Variants in GRID2 observed in about 807,000 individuals in gnomAD.
The protein encoded by GRID2 is glutamate receptor ionotropic, delta-2.
Under a neutral mutation model 114.8 loss-of-function variants are expected in GRID2, and 33 were observed. The ratio of observed to expected loss-of-function variants is 0.29; its 90% CI spans 0.22 to 0.38. The LOEUF (loss-of-function observed/expected upper bound fraction) is 0.38, where lower values mean the gene tolerates loss of function less well. GRID2 is among the 10% of genes least tolerant of loss of function. The probability of loss-of-function intolerance (pLI) is 1.00; values close to 1 mark genes in which losing one functional copy is unlikely to be tolerated. For synonymous variants in GRID2, 505 were observed against 449.9 expected (o/e 1.12, Z -1.55); for missense variants, 1,184 against 1,257.7 (o/e 0.94, Z 0.89).
chr4:92,593,224 G>A (rs113133068), intron 2 of GRID2, among the ~76,000 whole-genome samples: 1 of 151,980 alleles, frequency 6.6e-6, no homozygotes, highest in Non-Finnish European at 1.5e-5. Context: ...CATATAGATA[G>A]TAATAATGAC....
At chr4:92,959,178 C>T (rs1392889260) in intron 2 of GRID2, among the ~76,000 whole-genome samples, 1 of 133,550 alleles carries the variant, frequency 7.5e-6, no homozygotes, top group Non-Finnish European at 1.6e-5. Flanking sequence ...TTCCTGTTTT[C>T]TACTCCATTG....
In GRID2 at chr4:92,946,807, A is replaced by G. The variant is rs75276486; in HGVS notation, c.245-138188A>G. The stretch of plus-strand genomic sequence containing the variant: ...GGTAAAGCACTGGTTTTTAGGTCCA[A>G]TCTTGTAATTTCTGATTCAATAGGC... On this transcript the variant is annotated intron_variant, in intron 2 of 15. Coordinates refer to ENST00000282020, the MANE Select transcript of GRID2 (RefSeq NM_001510.4). Among the ~76,000 whole-genome samples, 513 of 152,176 alleles carry G rather than the reference A, an allele frequency of 3.4e-3. 3 individuals are homozygous for G. Among genetic ancestry groups the G allele is most frequent in the African/African-American group, 0.011 (470 of 41,562 alleles).
chr4:92,651,852 T>C (rs1731950333), intron 2 of GRID2, among the ~76,000 whole-genome samples: 1 of 152,136 alleles, frequency 6.6e-6, no homozygotes, highest in African/African-American at 2.4e-5. Context: ...GCTGTCCACT[T>C]TCAGGTCATG....
chr4:92,433,786 C>T (rs1199572842), intron 1 of GRID2, among the ~76,000 whole-genome samples: 5 of 152,116 alleles, frequency 3.3e-5, no homozygotes, highest in Non-Finnish European at 7.4e-5. Flanking sequence ...TCTATTCAGC[C>T]ATCTTGCTCT....
chr4:93,270,389 G>T (rs948507625), intron 8 of GRID2, among the ~76,000 whole-genome samples: 5 of 151,976 alleles, frequency 3.3e-5, no homozygotes, highest in African/African-American at 9.7e-5. Context: ...ATCATCAAAG[G>T]AGGATATAGT....
chr4:93,759,907 T>C (rs1190705969), intron 14 of GRID2, among the ~76,000 whole-genome samples: 1 of 152,200 alleles, frequency 6.6e-6, no homozygotes, highest in African/African-American at 2.4e-5. Flanking sequence ...ATACAGATTT[T>C]CTTTAGAGAT....
At chr4:93,629,369 G>A (rs937271656) in intron 14 of GRID2, among the ~76,000 whole-genome samples, 2 of 152,192 alleles carry the variant, frequency 1.3e-5, no homozygotes, top group African/African-American at 4.8e-5. Context: ...GAGAAAAGGA[G>A]AGCCAGGAAA....
chr4:93,739,145 C>G (rs1731166004), intron 14 of GRID2, among the ~76,000 whole-genome samples: 1 of 152,098 alleles, frequency 6.6e-6, no homozygotes, highest in Admixed American at 6.6e-5. Flanking sequence ...GGTGAAACTT[C>G]AGCTTCTTCA....
intron 8 of GRID2, among the ~76,000 whole-genome samples, chr4:93,243,397 G>C (rs1747772214): frequency 6.6e-6 from 1 of 152,014 alleles, no homozygotes; most frequent in South Asian, 2.1e-4. Flanking sequence ...AGATTTACTA[G>C]ATGTGTGTCC....
At chr4:92,418,032 C>G (rs141788353) in intron 1 of GRID2, among the ~76,000 whole-genome samples, 1 of 152,040 alleles carries the variant, frequency 6.6e-6, no homozygotes, top group African/African-American at 2.4e-5. Context: ...ATTACTCAGT[C>G]GTGTGTATGT....
At chr4:92,342,730 G>A (rs1001089502) in intron 1 of GRID2, among the ~76,000 whole-genome samples, 1 of 152,184 alleles carries the variant, frequency 6.6e-6, no homozygotes, top group African/African-American at 2.4e-5. Context: ...GATTGTCACT[G>A]TGAAGAAAAG....
chr4:93,339,993 G>A (rs1341126329), intron 8 of GRID2, among the ~76,000 whole-genome samples: 1 of 152,152 alleles, frequency 6.6e-6, no homozygotes, highest in African/African-American at 2.4e-5. Context: ...CCCTTGACAA[G>A]TGGGGATTAT....
intron 1 of GRID2, among the ~76,000 whole-genome samples, chr4:92,437,232 G>A (rs780063337): frequency 1.2e-4 from 18 of 152,010 alleles, no homozygotes; most frequent in Non-Finnish European, 1.8e-4. Flanking sequence ...TTTCACCGAC[G>A]AATGATTGGA....
intron 8 of GRID2, among the ~76,000 whole-genome samples, chr4:93,354,390 G>A (rs1761108332): frequency 6.6e-6 from 1 of 151,952 alleles, no homozygotes; most frequent in Non-Finnish European, 1.5e-5. Context: ...CAGAAGCTAA[G>A]AATGACAGAC....
intron 14 of GRID2, among the ~76,000 whole-genome samples, chr4:93,767,386 G>A (rs1048259657): frequency 6.6e-6 from 1 of 152,158 alleles, no homozygotes; most frequent in East Asian, 1.9e-4. Context: ...CTGGAATAAG[G>A]GTGACATATA....
At chr4:92,650,305 C>T (rs951050431) in intron 2 of GRID2, among the ~76,000 whole-genome samples, 1 of 152,036 alleles carries the variant, frequency 6.6e-6, no homozygotes, top group Non-Finnish European at 1.5e-5. Context: ...ACAATCACTT[C>T]CACTGGTCAT....
At chr4:93,438,182 C>G (rs1441050540) in intron 10 of GRID2, among the ~76,000 whole-genome samples, 1 of 152,040 alleles carries the variant, frequency 6.6e-6, no homozygotes, top group African/African-American at 2.4e-5. Flanking sequence ...GATACTTTTC[C>G]TCGGCCTTCA....
rs114005004 is a variant in GRID2, at chr4:93,498,235, G to A, written c.1997+7458G>A. ...CAGGTTGAGAGTCTGGTGAGGGCCA[G>A]GTTTCTGCTTCCAAGATGGTACTTT... is the stretch of plus-strand genomic sequence containing the variant. On this transcript the variant is annotated intron_variant, in intron 12 of 15. Transcript: ENST00000282020. Among the ~76,000 whole-genome samples, 841 of 151,904 alleles carry A rather than the reference G, an allele frequency of 5.5e-3. 7 individuals are homozygous for A. Among genetic ancestry groups the A allele is most frequent in the African/African-American group, 0.019 (807 of 41,482 alleles).
intron 10 of GRID2, among the ~76,000 whole-genome samples, chr4:93,441,056 T>C (rs1721578561): frequency 6.6e-6 from 1 of 152,056 alleles, no homozygotes; most frequent in Non-Finnish European, 1.5e-5. Flanking sequence ...ATTTGGTGGG[T>C]TACAGCTTAT....
Sources: gnomAD v4.1 joint callset for allele counts (sites outside exome capture counted in the v4.1 genomes callset) on GRCh38, gnomAD v4.1.1 for gene constraint, MANE v1.5 for transcripts, NCBI Gene and HGNC (gene_info 2026-07-23, HGNC 2026-07-21) for gene names.